The following SYNE3 variants were observed in gnomAD, a reference collection of about 807,000 sequenced individuals.
The protein encoded by SYNE3 is spectrin repeat containing nuclear envelope family member 3.
A neutral mutation model predicts 111.2 loss-of-function variants in SYNE3; 100 were observed. The observed-to-expected ratio is 0.90, with a 90% confidence interval of 0.77 to 1.06. The LOEUF (loss-of-function observed/expected upper bound fraction) is 1.06, where lower values mean the gene tolerates loss of function less well. Ranked by LOEUF, SYNE3 falls within the 50% of genes least tolerant of loss-of-function variation. The probability of loss-of-function intolerance (pLI) is 0.00; values close to 1 mark genes in which losing one functional copy is unlikely to be tolerated. For missense variants in SYNE3, 1,160 were observed against 1,240.3 expected, an observed-to-expected ratio of 0.94 and a Z score of 0.97; for synonymous variants, 547 against 533.9, an observed-to-expected ratio of 1.02 and a Z score of -0.34.
At chr14:95,459,357 T>C (rs982138668) in intron 4 of SYNE3, among the ~76,000 whole-genome samples, 8 of 152,036 alleles carry the variant, frequency 5.3e-5, no homozygotes. Flanking sequence ...GCCCAGGAGT[T>C]CAAGACGAGC....
Position 95,438,687 on chromosome 14 carries a change from G to A in SYNE3, c.2376+346C>T, listed in dbSNP as rs113040133. The A allele has an allele frequency of 5.8e-3, 1,312 of 224,714 alleles. 12 individuals are homozygous for A. Among genetic ancestry groups the A allele is most frequent in the Middle Eastern group, 0.042 (26 of 614 alleles). 13.9% of individuals were successfully genotyped at this position (224,714 alleles called of 1,614,324 possible). A position where few individuals can be genotyped will look rare whatever the true frequency, so the allele number is the denominator to read the frequency against. On this transcript the variant is annotated intron_variant, in intron 14 of 17. Coordinates refer to ENST00000682763, the MANE Select transcript of SYNE3 (RefSeq NM_152592.6). Reference sequence around the variant, plus strand: ...AAGTTTTCCCATCTTGTATGGTTTCGGTTTCCAATCTGGGGCCAGCAGGAA... The same window carrying A: ...AAGTTTTCCCATCTTGTATGGTTTCAGTTTCCAATCTGGGGCCAGCAGGAA...
At chr14:95,505,517 A>G in intron 1 of SYNE3, among the ~76,000 whole-genome samples, 1 of 152,192 alleles carries the variant, frequency 6.6e-6, no homozygotes, top group East Asian at 1.9e-4. Flanking sequence ...CCGCTTCTTC[A>G]CAGTGTGGCC....
At chr14:95,482,846 C>G (rs1273973283) in intron 1 of SYNE3, among the ~76,000 whole-genome samples, 1 of 152,196 alleles carries the variant, frequency 6.6e-6, no homozygotes, top group Non-Finnish European at 1.5e-5. Context: ...TACTTTACAG[C>G]TGAGAAAACA....
chr14:95,440,096 C>A (rs994008408), intron 11 of SYNE3, 21 bp from the exon 12 acceptor site: 10 of 1,577,110 alleles, frequency 6.3e-6, no homozygotes, highest in Non-Finnish European at 7.7e-6. Flanking sequence ...GCCCGGGGAG[C>A]CCAGGGCATC....
intron 1 of SYNE3, among the ~76,000 whole-genome samples, chr14:95,495,111 C>CAA (rs879943316): frequency 2.8e-5 from 3 of 108,806 alleles, no homozygotes; most frequent in Admixed American, 2.0e-4. Flanking sequence ...GACTCAGTCT[C>CAA]AAAAAAAAAA....
intron 17 of SYNE3, among the ~76,000 whole-genome samples, chr14:95,421,250 T>C (rs2139342452): frequency 6.6e-6 from 1 of 152,108 alleles, no homozygotes; most frequent in South Asian, 2.1e-4. Context: ...GATGAGCCCA[T>C]GGGGGTGGGG....
chr14:95,418,931 C>T (rs1884916376), intron 17 of SYNE3, among the ~76,000 whole-genome samples: 1 of 151,912 alleles, frequency 6.6e-6, no homozygotes, highest in Non-Finnish European at 1.5e-5. Context: ...TCTTTCCTTC[C>T]CTCTTCTCCC....
In SYNE3 at chr14:95,484,271, G is replaced by C. The variant is rs530944427; in HGVS notation, c.-14-8436C>G. 3.3e-5 allele frequency among the ~76,000 whole-genome samples: 5 copies of C among 152,320 alleles called. No individual in the cohort carries two copies. The East Asian group carries it at 9.6e-4, about 29-fold the overall frequency. On this transcript the variant is annotated intron_variant, in intron 1 of 17. Coordinates refer to ENST00000682763, the MANE Select transcript of SYNE3 (RefSeq NM_152592.6). ...AGAGGTCCCCAGCCGTGGTAGGGATGAAGGCCAGGCTGCTGCAGAGATATG... is the reference window on the plus strand; with the variant it reads ...AGAGGTCCCCAGCCGTGGTAGGGATCAAGGCCAGGCTGCTGCAGAGATATG...
At chr14:95,469,858 T>A (rs796242596) in intron 2 of SYNE3, among the ~76,000 whole-genome samples, 1 of 152,226 alleles carries the variant, frequency 6.6e-6, no homozygotes, top group East Asian at 1.9e-4. Flanking sequence ...ATCCTTTTTT[T>A]ACTCCATACA....
intron 2 of SYNE3, among the ~76,000 whole-genome samples, chr14:95,473,460 C>A (rs527633894): frequency 2.6e-5 from 4 of 152,028 alleles, no homozygotes; most frequent in African/African-American, 9.7e-5. Flanking sequence ...CTGAGAAAGG[C>A]GGAAACTGGT....
At position 95,445,399 on chromosome 14, in the gene SYNE3, A is replaced by G. The variant is rs115737401; in HGVS notation, c.1632+510T>C. Among the ~76,000 whole-genome samples the G allele has an allele frequency of 7.7e-3, 1,172 of 152,358 alleles. 18 individuals carry two copies. The highest frequency in any genetic ancestry group is 0.027 in the African/African-American group (1,125 of 41,578). Reference sequence around the variant, plus strand: ...GGAGCTCTTAGCAATGCCCTGGCCCATAGCCAGTGCCCCATAGATCATAGT... The same window carrying G: ...GGAGCTCTTAGCAATGCCCTGGCCCGTAGCCAGTGCCCCATAGATCATAGT... On this transcript the variant is annotated intron_variant, in intron 9 of 17. Coordinates refer to ENST00000682763, the MANE Select transcript of SYNE3 (RefSeq NM_152592.6).
At chr14:95,441,803 T>A (rs1386268738) in intron 11 of SYNE3, among the ~76,000 whole-genome samples, 2 of 152,230 alleles carry the variant, frequency 1.3e-5, no homozygotes, top group Admixed American at 1.3e-4. Context: ...CCAATGGGGC[T>A]CCACAGGTGA....
At chr14:95,465,737 T>G (rs1279573589) in intron 4 of SYNE3, among the ~76,000 whole-genome samples, 194 bp downstream of exon 4, 1 of 151,698 alleles carries the variant, frequency 6.6e-6, no homozygotes, top group Non-Finnish European at 1.5e-5. Flanking sequence ...GGGAGGTAGA[T>G]GGGTGAGTAG....
intron 16 of SYNE3, among the ~76,000 whole-genome samples, chr14:95,432,673 T>C (rs1885854440): frequency 6.8e-6 from 1 of 146,396 alleles, no homozygotes; most frequent in Non-Finnish European, 1.5e-5. Context: ...TTATTATTAT[T>C]ATTATTTGGT....
Position 95,513,251 on chromosome 14 carries a change from C to T in SYNE3, c.-15+3345G>A, listed in dbSNP as rs192875749. ...CTTCTTGCTTTTTGTCGTCATTTTA[C>T]TTCTCAGCTATGTGTCACTAAACAA... On this transcript the variant is annotated intron_variant, in intron 1 of 17. Transcript: ENST00000682763. 2.0e-5 allele frequency among the ~76,000 whole-genome samples: 3 copies of T among 152,236 alleles called. No homozygotes were observed. The East Asian group carries it at 5.8e-4, about 29-fold the overall frequency.
In SYNE3 at chr14:95,493,249, G is replaced by A. The variant is rs573025080; in HGVS notation, c.-14-17414C>T. 2.6e-5 allele frequency among the ~76,000 whole-genome samples: 4 copies of A among 152,270 alleles called. No homozygotes were observed. In the South Asian group the frequency reaches 8.3e-4, roughly 32 times the overall value. ...AACAGTACGTTCCATTTACTGAGCA[G>A]GTATTAGGTGCTAGTCAATATGCCC... On this transcript the variant is annotated intron_variant, in intron 1 of 17. Coordinates refer to ENST00000682763, the MANE Select transcript of SYNE3 (RefSeq NM_152592.6).
At chr14:95,431,982 C>T in intron 17 of SYNE3, 97 bp downstream of exon 17, 2 of 1,415,390 alleles carry the variant, frequency 1.4e-6, no homozygotes, top group Non-Finnish European at 1.9e-6. Context: ...CTGGAACCTT[C>T]CAGAAAGCCC....
At chr14:95,490,609 C>T (rs534717102) in intron 1 of SYNE3, among the ~76,000 whole-genome samples, 2 of 152,378 alleles carry the variant, frequency 1.3e-5, no homozygotes, top group South Asian at 4.1e-4. Context: ...AGACAAGTGT[C>T]CAGCAAGCCC....
intron 4 of SYNE3, among the ~76,000 whole-genome samples, chr14:95,459,174 G>T (rs144324676): frequency 1.3e-5 from 2 of 152,170 alleles, no homozygotes; most frequent in African/African-American, 2.4e-5. Flanking sequence ...AAGAATGGCC[G>T]CATTCCAATA....
Sources: gnomAD v4.1 joint callset for allele counts (sites outside exome capture counted in the v4.1 genomes callset) on GRCh38, gnomAD v4.1.1 for gene constraint, MANE v1.5 for transcripts, NCBI Gene and HGNC (gene_info 2026-07-23, HGNC 2026-07-21) for gene names.